CSNK2A2IP: variants seen among roughly 807,000 people sequenced by gnomAD.
The protein encoded by CSNK2A2IP is casein kinase 2 subunit alpha' interacting protein.
the CSNK2A2IP span, among the ~76,000 whole-genome samples, chr3:88,363,880 C>A: frequency 1.3e-5 from 2 of 152,154 alleles, no homozygotes; most frequent in Admixed American, 1.3e-4. Context: ...TGCTTCCTAA[C>A]CCTGTGTTAG....
the CSNK2A2IP span, among the ~76,000 whole-genome samples, chr3:88,347,612 C>T: frequency 7.2e-5 from 11 of 151,994 alleles, no homozygotes; most frequent in African/African-American, 2.7e-4. Context: ...TGCTATTGCA[C>T]AATTAATAGA....
chr3:88,371,986 C>G, the CSNK2A2IP span, among the ~76,000 whole-genome samples: 49 of 151,570 alleles, frequency 3.2e-4, no homozygotes, highest in African/African-American at 1.1e-3. Context: ...AAATGAGTTT[C>G]CAATAAACAA....
chr3:88,450,390 A>C, the CSNK2A2IP span, among the ~76,000 whole-genome samples: 4 of 152,122 alleles, frequency 2.6e-5, no homozygotes, highest in African/African-American at 4.8e-5. Context: ...CATGTTGTAC[A>C]TTAGATTTGT....
the CSNK2A2IP span, among the ~76,000 whole-genome samples, chr3:88,353,332 G>A: frequency 6.6e-6 from 1 of 152,136 alleles, no homozygotes; most frequent in Non-Finnish European, 1.5e-5. Context: ...ACTCATTAGA[G>A]CTATTCACAA....
chr3:88,369,246 C>T, the CSNK2A2IP span, among the ~76,000 whole-genome samples: 2,923 of 151,854 alleles, frequency 0.019, 81 homozygotes, highest in African/African-American at 0.063. Flanking sequence ...AGAGAATGAA[C>T]GGCCTTGTAG....
the CSNK2A2IP span, among the ~76,000 whole-genome samples, chr3:88,454,785 G>T: frequency 2.0e-5 from 3 of 151,800 alleles, no homozygotes; most frequent in East Asian, 1.9e-4. Context: ...CCATTATTTT[G>T]TGTGTGTGTG....
chr3:88,446,651 A>G, the CSNK2A2IP span, among the ~76,000 whole-genome samples: 1 of 152,140 alleles, frequency 6.6e-6, no homozygotes, highest in East Asian at 1.9e-4. Context: ...TTCACTGGTC[A>G]TTTCCTCTTT....
At chr3:88,466,790 C>T in the CSNK2A2IP span, 1 of 849,222 alleles carries the variant, frequency 1.2e-6, no homozygotes, top group African/African-American at 1.8e-5. Flanking sequence ...GTTTGCTTAG[C>T]TTGTGCTTCC....
At chr3:88,355,832 T>C in the CSNK2A2IP span, among the ~76,000 whole-genome samples, 1 of 152,152 alleles carries the variant, frequency 6.6e-6, no homozygotes, top group Non-Finnish European at 1.5e-5. Context: ...TGTTTGCTCT[T>C]GAAAAATATG....
chr3:88,454,938 T>C, the CSNK2A2IP span, among the ~76,000 whole-genome samples: 44,359 of 151,748 alleles, frequency 0.29, 7,227 homozygotes, highest in East Asian at 0.48. Context: ...TGTTACTGTG[T>C]GTTTGACCTT....
At chr3:88,342,449 T>C in the CSNK2A2IP span, among the ~76,000 whole-genome samples, 2 of 151,922 alleles carry the variant, frequency 1.3e-5, no homozygotes, top group African/African-American at 2.4e-5. Context: ...TCACTTCCAT[T>C]TTCTGTAGGT....
chr3:88,367,464 A>AT, the CSNK2A2IP span, among the ~76,000 whole-genome samples: 1 of 152,114 alleles, frequency 6.6e-6, no homozygotes, highest in Admixed American at 6.6e-5. Context: ...TTCATGCATT[A>AT]TTGTCCTACA....
At chr3:88,382,098 T>C in the CSNK2A2IP span, among the ~76,000 whole-genome samples, 2 of 152,220 alleles carry the variant, frequency 1.3e-5, no homozygotes, top group Admixed American at 6.5e-5. Context: ...TCCTGCAGCA[T>C]GAAGAGTTTC....
chr3:88,419,126 G>A, the CSNK2A2IP span, among the ~76,000 whole-genome samples: 3 of 151,976 alleles, frequency 2.0e-5, no homozygotes, highest in African/African-American at 7.2e-5. Context: ...TCTACAATAA[G>A]GTGAGTTGTA....
the CSNK2A2IP span, among the ~76,000 whole-genome samples, chr3:88,389,509 T>C: frequency 0.8 from 122,318 of 152,106 alleles, 50,127 homozygotes; most frequent in Non-Finnish European, 0.88. Flanking sequence ...ATCGTAAGGA[T>C]GCTGGCTTTT....
At chr3:88,465,493 G>A in the CSNK2A2IP span, 47 of 1,231,730 alleles carry the variant, frequency 3.8e-5, no homozygotes, top group Non-Finnish European at 4.5e-5. Flanking sequence ...TATGGCCAAA[G>A]TGCAATCCCA....
chr3:88,408,630 G>C, the CSNK2A2IP span, among the ~76,000 whole-genome samples: 5 of 151,938 alleles, frequency 3.3e-5, no homozygotes, highest in South Asian at 2.1e-4. Context: ...TCTATTAACT[G>C]TCCCATATAG....
At chr3:88,354,021 A>T in the CSNK2A2IP span, among the ~76,000 whole-genome samples, 4 of 152,048 alleles carry the variant, frequency 2.6e-5, no homozygotes. Context: ...AGTTACCATG[A>T]AATCTGATTG....
chr3:88,372,479 C>T, the CSNK2A2IP span, among the ~76,000 whole-genome samples: 111 of 151,188 alleles, frequency 7.3e-4, no homozygotes, highest in African/African-American at 2.1e-3. Context: ...CATTAAAAAA[C>T]GTAAAGAAAT....
Sources: allele counts gnomAD v4.1 joint callset (sites outside exome capture counted in the v4.1 genomes callset), GRCh38; gene constraint gnomAD v4.1.1; transcripts MANE v1.5; gene names NCBI Gene and HGNC (gene_info 2026-07-23, HGNC 2026-07-21).